The following LIMCH1 variants were observed in gnomAD, a reference collection of about 807,000 sequenced individuals.
LIMCH1 encodes the protein LIM and calponin homology domains-containing protein 1.
A neutral mutation model predicts 176.5 loss-of-function variants in LIMCH1; 113 were observed. The observed-to-expected ratio is 0.64, with a 90% CI of 0.55 to 0.75. The LOEUF is 0.75. Ranked by LOEUF, LIMCH1 falls within the 30% of genes least tolerant of loss-of-function variation. The pLI is 0.00. For synonymous variants in LIMCH1, 619 were observed against 645.9 expected (o/e 0.96, Z 0.63); for missense variants, 1,674 against 1,814.9 (o/e 0.92, Z 1.41).
chr4:41,557,413 C>T (rs938459279), intron 1 of LIMCH1, among the ~76,000 whole-genome samples: 2 of 152,060 alleles, frequency 1.3e-5, no homozygotes, highest in African/African-American at 4.8e-5. Context: ...TTAGAGTTTA[C>T]AAGAATCGAT....
At chr4:41,689,659 C>A in intron 30 of LIMCH1, 24 bp downstream of exon 30, 1 of 1,346,714 alleles carries the variant, frequency 7.4e-7, no homozygotes, top group Non-Finnish European at 1.1e-6. Flanking sequence ...GCTTTGCTCT[C>A]CAGACACAAC....
chr4:41,406,073 T>C (rs1057064817), intron 1 of LIMCH1, among the ~76,000 whole-genome samples: 2 of 152,198 alleles, frequency 1.3e-5, no homozygotes, highest in Admixed American at 1.3e-4. Flanking sequence ...AAAGGAGCTT[T>C]TTGACGTAAT....
chr4:41,419,718 T>TCCTC (rs1280395690), intron 1 of LIMCH1, among the ~76,000 whole-genome samples: 1 of 126,644 alleles, frequency 7.9e-6, no homozygotes, highest in Admixed American at 8.4e-5. Context: ...CTTCCTTCCT[T>TCCTC]CCTCCTTCCT....
intron 4 of LIMCH1, chr4:41,612,614 C>T (rs1389806716): frequency 2.8e-6 from 2 of 702,564 alleles, no homozygotes; most frequent in Non-Finnish European, 5.2e-6. Flanking sequence ...GTGAGGATGG[C>T]TTTGACTGAC....
At chr4:41,639,232 T>C (rs996569900) in intron 14 of LIMCH1, among the ~76,000 whole-genome samples, 1 of 152,234 alleles carries the variant, frequency 6.6e-6, no homozygotes, top group Non-Finnish European at 1.5e-5. Flanking sequence ...GTTAAAGTCG[T>C]TGTTCTTGTT....
At chr4:41,573,066 A>G (rs936202552) in intron 1 of LIMCH1, among the ~76,000 whole-genome samples, 2 of 152,248 alleles carry the variant, frequency 1.3e-5, no homozygotes, top group African/African-American at 4.8e-5. Flanking sequence ...ATGTATGGCA[A>G]TCAGCCTCTC....
chr4:41,543,078 C>T (rs192486591), intron 1 of LIMCH1, among the ~76,000 whole-genome samples: 167 of 152,206 alleles, frequency 1.1e-3, no homozygotes, highest in Middle Eastern at 0.01. Flanking sequence ...CACAAACATG[C>T]GGTTTGTGGG....
intron 1 of LIMCH1, among the ~76,000 whole-genome samples, chr4:41,361,792 G>A (rs2052116606): frequency 6.6e-6 from 1 of 152,102 alleles, no homozygotes; most frequent in Admixed American, 6.5e-5. Context: ...TGTCTGCGGG[G>A]TTCAGGACGC....
rs187735807 is a variant in LIMCH1 at position 41,611,877 on chromosome 4, A to G, written c.10-1589A>G. 1.3e-3 allele frequency among the ~76,000 whole-genome samples: 199 copies of G among 152,324 alleles called. 1 individual carries two copies. Among genetic ancestry groups the G allele is most frequent in the African/African-American group, 4.5e-3 (187 of 41,578 alleles). ...ATGAAACCATATCCAATTTGGGTCTATAATTTTCAGTGAGTCATGAGTTCT... is the reference window on the plus strand; with the variant it reads ...ATGAAACCATATCCAATTTGGGTCTGTAATTTTCAGTGAGTCATGAGTTCT... On this transcript the variant is annotated intron_variant, in intron 4 of 31. Transcript: ENST00000503057.
At chr4:41,464,713 C>T (rs1385478572) in intron 1 of LIMCH1, among the ~76,000 whole-genome samples, 2 of 152,146 alleles carry the variant, frequency 1.3e-5, no homozygotes, top group South Asian at 2.1e-4. Flanking sequence ...TTCATTCTAA[C>T]CTCCCCAGCA....
At chr4:41,413,495 ATT>A (rs10631082) in intron 1 of LIMCH1, among the ~76,000 whole-genome samples, 2 of 139,426 alleles carry the variant, frequency 1.4e-5, no homozygotes, top group Admixed American at 7.1e-5. Flanking sequence ...ATGCCTGGCT[ATT>A]TTTTTTTTTT....
chr4:41,496,084 A>G (rs989560041), intron 2 of LIMCH1, among the ~76,000 whole-genome samples: 6 of 152,210 alleles, frequency 3.9e-5, no homozygotes, highest in Non-Finnish European at 8.8e-5. Context: ...TGCTTTTCCC[A>G]TGATTCTGGG....
At chr4:41,607,903 T>G (rs1225001957) in intron 4 of LIMCH1, among the ~76,000 whole-genome samples, 1 of 152,212 alleles carries the variant, frequency 6.6e-6, no homozygotes, top group Non-Finnish European at 1.5e-5. Flanking sequence ...GACTTGAACT[T>G]CACTGGACTA....
At chr4:41,396,749 A>C (rs909600408) in intron 1 of LIMCH1, among the ~76,000 whole-genome samples, 3 of 152,006 alleles carry the variant, frequency 2.0e-5, no homozygotes, top group Non-Finnish European at 4.4e-5. Context: ...AAAAATACAA[A>C]AACTAGCTCT....
intron 19 of LIMCH1, among the ~76,000 whole-genome samples, chr4:41,661,750 A>G (rs888133570): frequency 6.6e-6 from 1 of 152,176 alleles, no homozygotes; most frequent in Non-Finnish European, 1.5e-5. Flanking sequence ...TTTGTTTTTT[A>G]AAATATTTAT....
At chr4:41,515,817 A>G (rs891833216) in intron 2 of LIMCH1, among the ~76,000 whole-genome samples, 1 of 152,162 alleles carries the variant, frequency 6.6e-6, no homozygotes, top group African/African-American at 2.4e-5. Flanking sequence ...TTCTTGCTAA[A>G]GAAGAGTTGG....
intron 1 of LIMCH1, among the ~76,000 whole-genome samples, chr4:41,398,413 T>G (rs2058042719): frequency 6.6e-6 from 1 of 152,134 alleles, no homozygotes; most frequent in African/African-American, 2.4e-5. Flanking sequence ...AACTGAGTTT[T>G]GTGGGTGAAT....
intron 1 of LIMCH1, among the ~76,000 whole-genome samples, chr4:41,585,349 G>A (rs935957040): frequency 1.3e-5 from 2 of 151,944 alleles, no homozygotes; most frequent in South Asian, 2.1e-4. Context: ...ACTATCTTCC[G>A]GATTTATTTA....
At chr4:41,691,352 A>C (rs975207060) in intron 30 of LIMCH1, among the ~76,000 whole-genome samples, 1 of 152,074 alleles carries the variant, frequency 6.6e-6, no homozygotes, top group African/African-American at 2.4e-5. Context: ...ACAAACATCC[A>C]AGTATATCCT....
Sources: gnomAD v4.1 joint callset for allele counts (sites outside exome capture counted in the v4.1 genomes callset) on GRCh38, gnomAD v4.1.1 for gene constraint, MANE v1.5 for transcripts, NCBI Gene and HGNC (gene_info 2026-07-23, HGNC 2026-07-21) for gene names.